The following HECTD2 variants were observed in gnomAD, a reference collection of about 807,000 sequenced individuals.
HECTD2 encodes HECT domain E3 ubiquitin protein ligase 2, also known as probable E3 ubiquitin-protein ligase HECTD2.
HECTD2 carries 35 observed loss-of-function variants against 103.2 expected under a neutral mutation model. The ratio of observed to expected loss-of-function variants is 0.34; its 90% CI spans 0.26 to 0.45. The LOEUF is 0.45. Ranked by LOEUF, HECTD2 falls within the 20% of genes least tolerant of loss-of-function variation. The pLI is 1.00. For synonymous variants in HECTD2, 281 were observed against 329.9 expected, an observed-to-expected ratio of 0.85 and a Z score of 1.61; for missense variants, 596 against 937.4, an observed-to-expected ratio of 0.64 and a Z score of 4.76.
chr10:91,483,147 A>G (rs1846153486), intron 8 of HECTD2, 71 bp downstream of exon 8: 2 of 595,122 alleles, frequency 3.4e-6, no homozygotes, highest in Non-Finnish European at 5.8e-6. Flanking sequence ...TAATTTTACA[A>G]TAAAATATAT....
rs1379326563 is a variant in HECTD2 at position 91,512,644 on chromosome 10, T to C, written c.*260T>C. 5.6e-6 allele frequency: 2 copies of C among 355,160 alleles called. No individual in the cohort carries two copies. Among genetic ancestry groups the C allele is most frequent in the Non-Finnish European group, 5.2e-6 (1 of 193,284 alleles). 22.0% of individuals were successfully genotyped at this position (355,160 alleles called of 1,614,324 possible). ...CCAGTTCCTCTTTTATATAGCACTT[T>C]ATCATTCTCCACAAGTAGTTTGTCA... On this transcript the variant is annotated 3_prime_UTR_variant, in exon 21 of 21. Coordinates refer to ENST00000298068, the MANE Select transcript of HECTD2 (RefSeq NM_182765.6).
rs538683882 is a variant in HECTD2, at chr10:91,424,262, A to G, written c.139-1019A>G. On this transcript the variant is annotated intron_variant, in intron 1 of 20. Transcript: ENST00000298068. ...CACTTGTGGCCTGTTAGAATGAATC[A>G]GATGGCTCTACCTAACTGCAAGAGA... is the stretch of plus-strand genomic sequence containing the variant. 4.8e-4 allele frequency among the ~76,000 whole-genome samples: 73 copies of G among 152,302 alleles called. 1 individual carries two copies. The South Asian group carries it at 0.015, about 31-fold the overall frequency.
rs1262784484 is a variant in HECTD2, at chr10:91,513,622, A to C, written c.*1238A>C. On this transcript the variant is annotated 3_prime_UTR_variant, in exon 21 of 21. Coordinates refer to ENST00000298068, the MANE Select transcript of HECTD2 (RefSeq NM_182765.6). Reference sequence around the variant, plus strand: ...AAGCAGTTTTATTAGCATGTTACAAATATTGCCAAACCAAGACTTCTCTAC... The same window carrying C: ...AAGCAGTTTTATTAGCATGTTACAACTATTGCCAAACCAAGACTTCTCTAC... The C allele has an allele frequency of 6.6e-6, 1 of 152,624 alleles. No homozygotes were observed. The highest frequency in any genetic ancestry group is 2.4e-5 in the African/African-American group (1 of 41,460). 9.5% of individuals were successfully genotyped at this position (152,624 alleles called of 1,614,324 possible). A position where few individuals can be genotyped will look rare whatever the true frequency, so the allele number is the denominator to read the frequency against.
At chr10:91,467,761 G>A (rs960838895) in intron 5 of HECTD2, among the ~76,000 whole-genome samples, 2 of 152,042 alleles carry the variant, frequency 1.3e-5, no homozygotes, top group East Asian at 1.9e-4. Context: ...ACCAGTATGT[G>A]TGCGTACCCC....
At chr10:91,410,613 G>T (rs1238394302) in intron 1 of HECTD2, 37 bp downstream of exon 1, 2 of 1,327,828 alleles carry the variant, frequency 1.5e-6, no homozygotes, top group East Asian at 3.1e-5. Flanking sequence ...CGCCCCGGAC[G>T]GCGGGAGTTG....
At chr10:91,436,995 A>G (rs1056414521) in intron 2 of HECTD2, among the ~76,000 whole-genome samples, 2 of 152,076 alleles carry the variant, frequency 1.3e-5, no homozygotes, top group Non-Finnish European at 2.9e-5. Context: ...TCAGTCTGAC[A>G]TCTTAACCTG....
chr10:91,453,550 T>C (rs1228832613), intron 2 of HECTD2, among the ~76,000 whole-genome samples: 3 of 152,120 alleles, frequency 2.0e-5, no homozygotes, highest in Non-Finnish European at 4.4e-5. Context: ...TGTAATGTAA[T>C]ATCTAGAGAA....
intron 2 of HECTD2, among the ~76,000 whole-genome samples, chr10:91,456,919 A>G (rs1301064194): frequency 6.6e-6 from 1 of 152,108 alleles, no homozygotes; most frequent in Non-Finnish European, 1.5e-5. Flanking sequence ...CTTTGACAAG[A>G]TCAGTAAAAT....
intron 13 of HECTD2, 60 bp downstream of exon 13, chr10:91,492,544 G>T (rs998209107): frequency 7.9e-7 from 1 of 1,266,516 alleles, no homozygotes; most frequent in African/African-American, 1.5e-5. Context: ...GAGTGAAGTA[G>T]TCACCCTTAT....
chr10:91,410,500 C>T lies in HECTD2; in HGVS notation c.62C>T (p.Pro21Leu). 3 of 1,474,018 alleles carry T rather than the reference C, an allele frequency of 2.0e-6. No individual in the cohort carries two copies. The highest frequency in any genetic ancestry group is 2.7e-6 in the Non-Finnish European group (3 of 1,116,678). 91.3% of individuals were successfully genotyped at this position (1,474,018 alleles called of 1,614,324 possible). A position where few individuals can be genotyped will look rare whatever the true frequency, so the allele number is the denominator to read the frequency against. ...ATPLVVAAPA[P>L]EERKGKESER... ...CCGCTGGTGGTGGCGGCGCCCGCGCCTGAGGAGAGGAAAGGGAAGGAGTCA... is the reference window on the plus strand; with the variant it reads ...CCGCTGGTGGTGGCGGCGCCCGCGCTTGAGGAGAGGAAAGGGAAGGAGTCA... The change falls in exon 1 of 21, where the codon CCT (proline) becomes CTT (leucine). Residue 21 changes from proline (P) to leucine (L), a missense_variant. Around this residue, in one of 4 missense-constraint regions of HECTD2, gnomAD observed 220 missense variants for 233.9 expected, o/e 0.94. Coordinates refer to ENST00000298068, the MANE Select transcript of HECTD2 (RefSeq NM_182765.6).
intron 4 of HECTD2, 61 bp from the exon 5 acceptor site, chr10:91,462,034 A>C: frequency 7.8e-7 from 1 of 1,288,450 alleles, no homozygotes; most frequent in Non-Finnish European, 1.1e-6. Flanking sequence ...TATGGTTCAA[A>C]TTTTACTAAG....
intron 2 of HECTD2, among the ~76,000 whole-genome samples, chr10:91,447,713 AAAAAAAG>A (rs1452714444): frequency 8.3e-4 from 61 of 73,668 alleles, no homozygotes; most frequent in Middle Eastern, 5.8e-3. Flanking sequence ...AAAAAAAGAA[AAAAAAAG>A]AAAAAAAAAA....
rs60231237 is a variant in HECTD2, at chr10:91,512,239, A to T, written c.2211-25A>T. On this transcript the variant is annotated intron_variant, in intron 20 of 20. Transcript: ENST00000298068. The stretch of plus-strand genomic sequence containing the variant: ...TTTTGTGTGTGTTTCAAGACTTAGT[A>T]TTTTTTTTTAATTTTTTTCCCTAGC... 1.0e-3 allele frequency: 1,599 copies of T among 1,589,898 alleles called. 10 individuals carry two copies. In the African/African-American group the frequency reaches 0.019, roughly 19 times the overall value.
intron 10 of HECTD2, chr10:91,486,905 G>A (rs1003775479): frequency 6.6e-6 from 1 of 151,930 alleles, no homozygotes; most frequent in Admixed American, 6.6e-5. Context: ...GGTCACAGTT[G>A]TACCACCTGA....
chr10:91,501,159 ATTTG>A lies in HECTD2; in HGVS notation c.2067-31_2067-28del. On this transcript the variant is annotated intron_variant, in intron 19 of 20. Coordinates refer to ENST00000298068, the MANE Select transcript of HECTD2 (RefSeq NM_182765.6). The stretch of plus-strand genomic sequence containing the variant: ...TTTATTATAGGATTTTTGTCAAGAC[ATTTG>A]ATGTTAATTTCCTTTGGTATTCTCT... 1.9e-6 allele frequency: 3 copies of A among 1,589,726 alleles called. No homozygotes were observed. The Admixed American group carries it at 5.2e-5, about 28-fold the overall frequency.
chr10:91,432,933 C>G (rs977266380), intron 2 of HECTD2, among the ~76,000 whole-genome samples: 3 of 151,984 alleles, frequency 2.0e-5, no homozygotes, highest in East Asian at 3.9e-4. Flanking sequence ...GTGATCTTCA[C>G]AGGTCAAGTA....
intron 2 of HECTD2, among the ~76,000 whole-genome samples, chr10:91,451,297 C>T (rs1011981948): frequency 3.3e-5 from 5 of 152,086 alleles, no homozygotes; most frequent in Admixed American, 2.6e-4. Context: ...CACATGTTCT[C>T]ACTCATAAGT....
At chr10:91,462,630 G>A in intron 5 of HECTD2, 1 of 1,020,888 alleles carries the variant, frequency 9.8e-7, no homozygotes, top group Non-Finnish European at 1.2e-6. Context: ...TGATTTATGA[G>A]TTCATTTATG....
intron 20 of HECTD2, among the ~76,000 whole-genome samples, chr10:91,504,373 CT>C: frequency 6.6e-6 from 1 of 150,878 alleles, no homozygotes; most frequent in African/African-American, 2.4e-5. Flanking sequence ...AAGTTGAAAA[CT>C]TTGAAAAAAA....
Sources: allele counts gnomAD v4.1 joint callset (sites outside exome capture counted in the v4.1 genomes callset), GRCh38; gene constraint gnomAD v4.1.1; regional missense constraint gnomAD v4.1.1; transcripts MANE v1.5; gene names NCBI Gene and HGNC (gene_info 2026-07-23, HGNC 2026-07-21).